The following ROBO1 variants were observed in gnomAD, a reference collection of about 807,000 sequenced individuals.
The protein encoded by ROBO1 is roundabout guidance receptor 1.
ROBO1 carries 149 observed loss-of-function variants against 195.9 expected under a neutral mutation model. The ratio of observed to expected loss-of-function variants is 0.76; its 90% CI spans 0.67 to 0.87. The LOEUF is 0.87. Ranked by LOEUF, ROBO1 falls within the 40% of genes least tolerant of loss-of-function variation. The pLI is 0.00. For synonymous variants in ROBO1, 816 were observed against 733.2 expected (o/e 1.11, Z -1.82); for missense variants, 1,933 against 2,068.3 (o/e 0.93, Z 1.27).
intron 5 of ROBO1, among the ~76,000 whole-genome samples, chr3:78,732,985 C>T (rs998096952): frequency 3.3e-5 from 5 of 152,062 alleles, no homozygotes; most frequent in African/African-American, 1.2e-4. Flanking sequence ...TACAAGTGTA[C>T]AATTTATCAT....
intron 3 of ROBO1, among the ~76,000 whole-genome samples, chr3:79,096,494 G>C (rs1485915506): frequency 6.6e-6 from 1 of 151,620 alleles, no homozygotes; most frequent in Non-Finnish European, 1.5e-5. Context: ...TAATCTGGTG[G>C]AATAACTCAG....
intron 2 of ROBO1, among the ~76,000 whole-genome samples, chr3:79,156,364 G>T (rs1487460507): frequency 1.3e-5 from 2 of 151,294 alleles, no homozygotes; most frequent in African/African-American, 4.9e-5. Context: ...GTATTTATTG[G>T]CTATAGATTA....
At position 78,886,125 on chromosome 3, in the gene ROBO1, T is replaced by C. The variant is rs989747738; in HGVS notation, c.499+52476A>G. 2.6e-5 allele frequency among the ~76,000 whole-genome samples: 4 copies of C among 151,768 alleles called. No individual in the cohort carries two copies. The South Asian group carries it at 6.2e-4, about 24-fold the overall frequency. On this transcript the variant is annotated intron_variant, in intron 4 of 30. Transcript: ENST00000464233. ...TCAAATATTTAACCAGTTATGCTTT[T>C]CCTACAATAAAGAGTTAAACATGAG...
intron 2 of ROBO1, among the ~76,000 whole-genome samples, chr3:79,178,330 G>A (rs2081288636): frequency 6.6e-6 from 1 of 152,182 alleles, no homozygotes; most frequent in Non-Finnish European, 1.5e-5. Context: ...AATTTATTCT[G>A]TAAAAGCCTT....
intron 28 of ROBO1, 38 bp from the exon 29 acceptor site, chr3:78,607,079 G>A (rs1318953588): frequency 1.3e-6 from 2 of 1,551,862 alleles, no homozygotes; most frequent in Non-Finnish European, 1.7e-6. Context: ...GTAAAAGTCT[G>A]CTGCTTATAA....
At chr3:79,146,755 A>C (rs898940540) in intron 2 of ROBO1, among the ~76,000 whole-genome samples, 1 of 151,998 alleles carries the variant, frequency 6.6e-6, no homozygotes, top group Non-Finnish European at 1.5e-5. Flanking sequence ...ACATAGGACA[A>C]AATAGAAAAT....
chr3:79,724,107 C>T (rs1309574916), intron 1 of ROBO1, among the ~76,000 whole-genome samples: 3 of 152,170 alleles, frequency 2.0e-5, no homozygotes, highest in African/African-American at 7.2e-5. Flanking sequence ...TAGCATGTCA[C>T]TAACATTTGA....
chr3:79,266,799 AAAGTG>A (rs1365404980), intron 2 of ROBO1, among the ~76,000 whole-genome samples: 3 of 151,622 alleles, frequency 2.0e-5, no homozygotes, highest in Non-Finnish European at 3.0e-5. Flanking sequence ...TATACCAAAC[AAAGTG>A]AATATAAACT....
At chr3:78,774,288 TTTA>T (rs1304420367) in intron 4 of ROBO1, among the ~76,000 whole-genome samples, 2 of 152,192 alleles carry the variant, frequency 1.3e-5, no homozygotes, top group Non-Finnish European at 2.9e-5. Context: ...CTTTAAATGT[TTTA>T]TTCTTTAAAG....
chr3:79,041,149 A>G (rs963697746), intron 3 of ROBO1, among the ~76,000 whole-genome samples: 5 of 152,216 alleles, frequency 3.3e-5, no homozygotes, highest in African/African-American at 9.6e-5. Context: ...TCCTCTAAGA[A>G]GAAGGGATAT....
chr3:78,642,188 T>C (rs1351654322), intron 21 of ROBO1, among the ~76,000 whole-genome samples: 7 of 152,144 alleles, frequency 4.6e-5, no homozygotes, highest in Admixed American at 6.6e-5. Flanking sequence ...TATCATATAA[T>C]ATAATAAGTG....
chr3:79,550,168 G>GAAGAAAGAAAGA lies in ROBO1; in HGVS notation c.88+39644_88+39655dup, dbSNP rs1200148231. 8.3e-5 allele frequency among the ~76,000 whole-genome samples: 8 copies of GAAGAAAGAAAGA among 96,912 alleles called. 1 individual carries two copies. The highest frequency in any genetic ancestry group is 3.3e-4 in the African/African-American group (8 of 24,168). The allele number at this position is 96,912 out of a possible 152,430, so 63.6% of individuals were successfully genotyped here. On this transcript the variant is annotated intron_variant, in intron 2 of 30. Coordinates refer to ENST00000464233, the MANE Select transcript of ROBO1 (RefSeq NM_002941.4). ...AAAAGAAAGGAAGAAAGAAAGAAAG[G>GAAGAAAGAAAGA]AAGAAAGAAAGAAAGAAAGAAAGAA...
chr3:79,531,627 T>C (rs1429227282), intron 2 of ROBO1, among the ~76,000 whole-genome samples: 2 of 152,154 alleles, frequency 1.3e-5, no homozygotes, highest in Non-Finnish European at 2.9e-5. Context: ...AATTTTAAGG[T>C]AGTATACTAG....
At chr3:78,997,089 A>G (rs751991169) in intron 3 of ROBO1, among the ~76,000 whole-genome samples, 5 of 152,192 alleles carry the variant, frequency 3.3e-5, no homozygotes, top group African/African-American at 9.6e-5. Flanking sequence ...TAAACATCCT[A>G]CAATGCATAG....
At chr3:78,727,599 T>C (rs1217086779) in intron 5 of ROBO1, among the ~76,000 whole-genome samples, 2 of 152,230 alleles carry the variant, frequency 1.3e-5, no homozygotes, top group Non-Finnish European at 2.9e-5. Flanking sequence ...TACTCCAGCC[T>C]GGGCGACAGA....
At chr3:79,574,455 CT>C (rs1253368969) in intron 2 of ROBO1, among the ~76,000 whole-genome samples, 7 of 151,712 alleles carry the variant, frequency 4.6e-5, no homozygotes, top group Admixed American at 2.6e-4. Flanking sequence ...TTTTATTTTT[CT>C]TTTTTTAGTA....
intron 2 of ROBO1, among the ~76,000 whole-genome samples, chr3:79,575,509 CAAATATATATAAATATATATAACAAAT>C (rs1943454547): frequency 1.9e-5 from 2 of 102,570 alleles, no homozygotes. Context: ...ATATATATAA[CAAATATATATAAATATATATAACAAAT>C]ATATATAAAT....
At chr3:78,819,817 T>A (rs2030674182) in intron 4 of ROBO1, among the ~76,000 whole-genome samples, 1 of 152,132 alleles carries the variant, frequency 6.6e-6, no homozygotes, top group African/African-American at 2.4e-5. Context: ...ACCAACCCGA[T>A]ACACACAACA....
intron 2 of ROBO1, among the ~76,000 whole-genome samples, chr3:79,547,008 C>T (rs1209948482): frequency 6.6e-6 from 1 of 151,522 alleles, no homozygotes; most frequent in Non-Finnish European, 1.5e-5. Flanking sequence ...GGTGAAAACC[C>T]ATCTGTACTA....
Sources: gnomAD v4.1 joint callset for allele counts (sites outside exome capture counted in the v4.1 genomes callset) on GRCh38, gnomAD v4.1.1 for gene constraint, MANE v1.5 for transcripts, NCBI Gene and HGNC (gene_info 2026-07-23, HGNC 2026-07-21) for gene names.